Variants in SYNE1 observed in about 807,000 individuals in gnomAD.
The protein encoded by SYNE1 is nesprin-1.
In SYNE1, 616 loss-of-function variants were observed where a neutral mutation model predicts 1,111.0. The ratio of observed to expected loss-of-function variants is 0.55; its 90% confidence interval spans 0.52 to 0.59. The LOEUF (loss-of-function observed/expected upper bound fraction) is 0.59, where lower values mean the gene tolerates loss of function less well. Among genes scored for constraint, SYNE1 ranks in the 20% least tolerant of loss-of-function variants. The probability of loss-of-function intolerance (pLI) is 0.00; values close to 1 mark genes in which losing one functional copy is unlikely to be tolerated. For synonymous variants in SYNE1, 3,855 were observed against 3,825.8 expected (o/e 1.01, Z -0.28); for missense variants, 10,006 against 10,417.0 (o/e 0.96, Z 1.72).
chr6:152,280,862 A>AAGTTTCCT (rs1279128940), intron 97 of SYNE1, among the ~76,000 whole-genome samples: 43 of 152,348 alleles, frequency 2.8e-4, no homozygotes, highest in African/African-American at 8.9e-4. Context: ...ACACATAGAT[A>AAGTTTCCT]AGTTTCCTAA....
At chr6:152,535,865 T>C (rs2099232795) in intron 4 of SYNE1, among the ~76,000 whole-genome samples, 1 of 152,164 alleles carries the variant, frequency 6.6e-6, no homozygotes, top group Non-Finnish European at 1.5e-5. Context: ...TATTTTAAAA[T>C]GTGAAAGAAC....
At chr6:152,316,678 G>T (rs563539190) in intron 87 of SYNE1, 171 bp downstream of exon 87, 4 of 682,564 alleles carry the variant, frequency 5.9e-6, no homozygotes, top group African/African-American at 1.8e-5. Flanking sequence ...GAAATTTCAT[G>T]AGAAGCTCCT....
chr6:152,436,102 C>G lies in SYNE1; in HGVS notation c.4150-1G>C. 6.2e-7 allele frequency: 1 copy of G among 1,613,146 alleles called. No homozygotes were observed. Among genetic ancestry groups the G allele is most frequent in the Non-Finnish European group, 8.5e-7 (1 of 1,179,796 alleles). ...TACTTTCTGTCCGTTTAGAAAACTCCTAGAAAAAATATTATGATCATTAGG... is the reference window on the plus strand; with the variant it reads ...TACTTTCTGTCCGTTTAGAAAACTCGTAGAAAAAATATTATGATCATTAGG... On this transcript the variant is annotated splice_acceptor_variant, in intron 32 of 145. Transcript: ENST00000367255. LOFTEE classifies it high-confidence loss of function.
At chr6:152,572,543 G>A (rs776437335) in intron 3 of SYNE1, among the ~76,000 whole-genome samples, 15 of 152,122 alleles carry the variant, frequency 9.9e-5, no homozygotes, top group Non-Finnish European at 1.9e-4. Flanking sequence ...TTATGGATTA[G>A]GAAACAGCTC....
intron 64 of SYNE1, 44 bp from the exon 65 acceptor site, chr6:152,359,502 T>C: frequency 5.0e-6 from 8 of 1,612,660 alleles, no homozygotes; most frequent in Non-Finnish European, 6.8e-6. Flanking sequence ...TCATGCACCA[T>C]CACATCAACG....
intron 114 of SYNE1, 139 bp downstream of exon 114, chr6:152,231,252 G>A: frequency 1.2e-6 from 1 of 829,320 alleles, no homozygotes; most frequent in Non-Finnish European, 2.0e-6. Context: ...AGTTTAGGGT[G>A]ATTAACCTTC....
At chr6:152,365,634 GTTT>G (rs35307403) in intron 62 of SYNE1, among the ~76,000 whole-genome samples, 1 of 142,240 alleles carries the variant, frequency 7.0e-6, no homozygotes, top group Non-Finnish European at 1.5e-5. Context: ...TAATTTAAAT[GTTT>G]TTTTTTTTTT....
chr6:152,458,365 C>T (rs1472680213), intron 22 of SYNE1, among the ~76,000 whole-genome samples: 4 of 152,158 alleles, frequency 2.6e-5, no homozygotes, highest in African/African-American at 7.2e-5. Flanking sequence ...GCATGGCTTA[C>T]GCGTGCACAC....
chr6:152,179,175 A>T (rs1333316218), intron 129 of SYNE1: 1 of 152,124 alleles, frequency 6.6e-6, no homozygotes, highest in East Asian at 1.9e-4. Flanking sequence ...TCACTTCCCA[A>T]AGTGCTGGGA....
chr6:152,409,294 C>T, intron 43 of SYNE1, 68 bp from the exon 44 acceptor site: 2 of 1,506,712 alleles, frequency 1.3e-6, no homozygotes, highest in Non-Finnish European at 1.8e-6. Flanking sequence ...AACCATTTGT[C>T]TCTAAGAAAT....
rs1395637735 is a variant in SYNE1 at position 152,329,731 on chromosome 6, T to C, written c.14954A>G (p.Gln4985Arg). Residue 4985 changes from glutamine to arginine, a missense_variant and splice_region_variant, in exon 78 of 146, where the codon CAG (glutamine) becomes CGG (arginine). This residue lies in a region of SYNE1 where 4,955 missense variants were observed against 5,017.2 expected (regional missense o/e 0.99). Transcript: ENST00000367255. ...GAAGTGAAGTCCTATTATACCCACC[T>C]GTCTGGTGCGTAAGGCTTCCTGGAT... ...GDIQEALRTR[Q>R]ATLTEIYSQC... is the part of the protein sequence containing the mutation. 6.2e-7 allele frequency: 1 copy of C among 1,614,072 alleles called. No individual in the cohort carries two copies. The highest frequency in any genetic ancestry group is 8.5e-7 in the Non-Finnish European group (1 of 1,180,044).
chr6:152,379,684 G>A (rs563376106), intron 56 of SYNE1, among the ~76,000 whole-genome samples: 17 of 152,208 alleles, frequency 1.1e-4, no homozygotes, highest in Non-Finnish European at 2.1e-4. Context: ...CATTGACCCT[G>A]GAGTCAAATC....
intron 130 of SYNE1, among the ~76,000 whole-genome samples, chr6:152,166,691 T>C (rs1238541891): frequency 6.6e-6 from 1 of 152,240 alleles, no homozygotes; most frequent in Non-Finnish European, 1.5e-5. Context: ...AGTTCCTCTT[T>C]CAAGCAAATG....
In SYNE1 at chr6:152,155,767, G is replaced by T. The variant is rs2061270717; in HGVS notation, c.23978+143C>A. Reference sequence around the variant, plus strand: ...TACCTACTTATTTTCCCAACTAAATGTAGACAATAGTAAGTTTGGGAAGCC... The same window carrying T: ...TACCTACTTATTTTCCCAACTAAATTTAGACAATAGTAAGTTTGGGAAGCC... On this transcript the variant is annotated intron_variant, in intron 132 of 145. Coordinates refer to ENST00000367255, the MANE Select transcript of SYNE1 (RefSeq NM_182961.4). The T allele has an allele frequency of 4.2e-6, 4 of 953,304 alleles. No homozygotes were observed. The East Asian group carries it at 7.9e-5, about 19-fold the overall frequency. 59.1% of individuals were successfully genotyped at this position (953,304 alleles called of 1,614,324 possible). A position where few individuals can be genotyped will look rare whatever the true frequency, so the allele number is the denominator to read the frequency against.
At chr6:152,564,615 A>G (rs112178617) in intron 3 of SYNE1, among the ~76,000 whole-genome samples, 2,819 of 152,240 alleles carry the variant, frequency 0.019, 95 homozygotes, top group African/African-American at 0.064. Flanking sequence ...CCGTGCCTGG[A>G]CAGGAACGTT....
intron 132 of SYNE1, 105 bp from the exon 133 acceptor site, chr6:152,155,147 C>A (rs2061151207): frequency 7.1e-7 from 1 of 1,400,390 alleles, no homozygotes; most frequent in South Asian, 1.2e-5. Flanking sequence ...ACAGAGGCAA[C>A]TGTTGTGCCA....
chr6:152,242,453 G>A lies in SYNE1; in HGVS notation c.19693-13C>T, dbSNP rs772380155. ...CATCATACATGTCCTAAGAAGCAGAGACCACAAGACTCACTCTCAATTCAT... is the reference window on the plus strand; with the variant it reads ...CATCATACATGTCCTAAGAAGCAGAAACCACAAGACTCACTCTCAATTCAT... On this transcript the variant is annotated splice_polypyrimidine_tract_variant and intron_variant, in intron 106 of 145. Transcript: ENST00000367255. 2 of 1,613,480 alleles carry A rather than the reference G, an allele frequency of 1.2e-6. No individual in the cohort carries two copies. The highest frequency in any genetic ancestry group is 2.7e-5 in the African/African-American group (2 of 74,838).
intron 97 of SYNE1, among the ~76,000 whole-genome samples, chr6:152,278,915 G>A (rs965754452): frequency 2.0e-5 from 3 of 151,912 alleles, no homozygotes; most frequent in African/African-American, 7.3e-5. Flanking sequence ...TCACAGACAT[G>A]TGACACCACA....
intron 25 of SYNE1, 124 bp from the exon 26 acceptor site, chr6:152,451,329 GT>G: frequency 1.1e-6 from 1 of 927,592 alleles, no homozygotes; most frequent in East Asian, 2.6e-5. Context: ...GTGTGAATGG[GT>G]CACTACTTTC....
Sources: allele counts gnomAD v4.1 joint callset (sites outside exome capture counted in the v4.1 genomes callset), GRCh38; gene constraint gnomAD v4.1.1; regional missense constraint gnomAD v4.1.1; transcripts MANE v1.5; gene names NCBI Gene and HGNC (gene_info 2026-07-23, HGNC 2026-07-21).